The following MAGI2 variants were observed in gnomAD, a reference collection of about 807,000 sequenced individuals.
The protein encoded by MAGI2 is membrane-associated guanylate kinase, WW and PDZ domain-containing protein 2.
Under a neutral mutation model 133.3 loss-of-function variants are expected in MAGI2, and 35 were observed. The observed-to-expected ratio is 0.26, with a 90% CI of 0.20 to 0.35. The LOEUF (loss-of-function observed/expected upper bound fraction) is 0.35, where lower values mean the gene tolerates loss of function less well. Among genes scored for constraint, MAGI2 ranks in the 10% least tolerant of loss-of-function variants. The pLI is 1.00. For missense variants in MAGI2, 1,636 were observed against 1,863.4 expected (o/e 0.88, Z 2.25); for synonymous variants, 729 against 710.6 (o/e 1.03, Z -0.41).
At chr7:78,798,746 A>G (rs1370246155) in intron 2 of MAGI2, among the ~76,000 whole-genome samples, 1 of 152,086 alleles carries the variant, frequency 6.6e-6, no homozygotes, top group Non-Finnish European at 1.5e-5. Context: ...TCTGAGCTAT[A>G]CCCAGTAAAA....
intron 2 of MAGI2, among the ~76,000 whole-genome samples, chr7:78,860,736 ACT>A (rs1358683226): frequency 1.3e-5 from 2 of 151,914 alleles, no homozygotes; most frequent in East Asian, 3.9e-4. Flanking sequence ...CAGATCTCAC[ACT>A]CTGTGCTGGG....
rs116188806 is a variant in MAGI2, at chr7:78,029,936, C to T, written c.3707-9960G>A. ...CAGGGAAGGACAGACTTTACCTTTC[C>T]GTAATTTTTTCTAGGGCACTCAGTC... On this transcript the variant is annotated intron_variant, in intron 21 of 21. Transcript: ENST00000354212. Among the ~76,000 whole-genome samples, 474 of 152,286 alleles carry T rather than the reference C, an allele frequency of 3.1e-3. 4 individuals carry two copies. Among genetic ancestry groups the T allele is most frequent in the South Asian group, 0.022 (108 of 4,822 alleles).
At chr7:78,262,888 A>G (rs798326) in intron 9 of MAGI2, among the ~76,000 whole-genome samples, 145,221 of 152,178 alleles carry the variant, frequency 0.95, 69,369 homozygotes, top group East Asian at 1. Flanking sequence ...TATACTGCTC[A>G]AGGCTGAGGT....
At chr7:78,388,057 T>G (rs1021978432) in intron 6 of MAGI2, among the ~76,000 whole-genome samples, 1 of 152,138 alleles carries the variant, frequency 6.6e-6, no homozygotes, top group Admixed American at 6.5e-5. Context: ...AAAAATCAAA[T>G]TAGGTATTTA....
At chr7:78,031,086 A>G (rs1809523627) in intron 21 of MAGI2, among the ~76,000 whole-genome samples, 1 of 152,242 alleles carries the variant, frequency 6.6e-6, no homozygotes, top group African/African-American at 2.4e-5. Context: ...CAGCTGAGGT[A>G]TGCTTAGTGA....
intron 9 of MAGI2, among the ~76,000 whole-genome samples, chr7:78,280,414 CAT>C (rs1000340722): frequency 6.6e-6 from 1 of 152,076 alleles, no homozygotes; most frequent in Non-Finnish European, 1.5e-5. Context: ...CAGCTTACAA[CAT>C]ATTGTTTGTA....
intron 6 of MAGI2, among the ~76,000 whole-genome samples, chr7:78,416,410 A>C (rs1220884820): frequency 1.4e-4 from 4 of 27,986 alleles, no homozygotes; most frequent in African/African-American, 7.6e-4. Context: ...ATAAATATTG[A>C]AACTTAATTT....
chr7:78,128,699 C>A (rs962801320), intron 18 of MAGI2, among the ~76,000 whole-genome samples: 7 of 152,050 alleles, frequency 4.6e-5, no homozygotes, highest in Admixed American at 3.9e-4. Flanking sequence ...ACTGAAAGTG[C>A]ATGGCAATAG....
intron 2 of MAGI2, among the ~76,000 whole-genome samples, chr7:78,746,239 C>T (rs1460742220): frequency 1.3e-5 from 2 of 152,152 alleles, no homozygotes; most frequent in East Asian, 3.9e-4. Context: ...TTTTGAAGAG[C>T]CAGCTCTCAG....
chr7:79,007,993 G>A (rs1406996660), intron 1 of MAGI2, among the ~76,000 whole-genome samples: 1 of 151,720 alleles, frequency 6.6e-6, no homozygotes, highest in African/African-American at 2.4e-5. Context: ...AGCCAATAAT[G>A]TAGATCTATC....
intron 20 of MAGI2, among the ~76,000 whole-genome samples, chr7:78,113,428 C>T (rs887935773): frequency 6.6e-6 from 1 of 152,090 alleles, no homozygotes; most frequent in South Asian, 2.1e-4. Context: ...TGAGTACAGT[C>T]GTGCACCACA....
intron 16 of MAGI2, among the ~76,000 whole-genome samples, chr7:78,147,817 G>A (rs139009181): frequency 2.6e-5 from 4 of 151,856 alleles, no homozygotes; most frequent in Non-Finnish European, 5.9e-5. Context: ...GCAACATAGG[G>A]ATACCCCCAT....
At chr7:78,700,932 T>C (rs1462563132) in intron 2 of MAGI2, among the ~76,000 whole-genome samples, 1 of 149,222 alleles carries the variant, frequency 6.7e-6, no homozygotes, top group Non-Finnish European at 1.5e-5. Flanking sequence ...ATAAATTTAG[T>C]ATAGTAAGTG....
intron 2 of MAGI2, among the ~76,000 whole-genome samples, chr7:78,972,215 A>T (rs547106098): frequency 6.6e-6 from 1 of 152,054 alleles, no homozygotes; most frequent in African/African-American, 2.4e-5. Flanking sequence ...TGATTTAAAA[A>T]ATGCATGAAT....
chr7:78,747,042 A>G (rs1323503711), intron 2 of MAGI2, among the ~76,000 whole-genome samples: 1 of 152,196 alleles, frequency 6.6e-6, no homozygotes, highest in Non-Finnish European at 1.5e-5. Flanking sequence ...ATCAGAGGAA[A>G]TATACCAAGT....
At chr7:79,263,737 GCTTT>G (rs1834241433) in intron 1 of MAGI2, among the ~76,000 whole-genome samples, 1 of 151,922 alleles carries the variant, frequency 6.6e-6, no homozygotes, top group African/African-American at 2.4e-5. Flanking sequence ...AATATATGCT[GCTTT>G]CTTTTTCATT....
chr7:79,213,306 T>A (rs963050671), intron 1 of MAGI2, among the ~76,000 whole-genome samples: 4 of 149,146 alleles, frequency 2.7e-5, no homozygotes, highest in East Asian at 3.9e-4. Flanking sequence ...GTGTGTGTAT[T>A]TACACACACG....
intron 3 of MAGI2, among the ~76,000 whole-genome samples, chr7:78,570,473 G>C (rs932561057): frequency 8.5e-5 from 13 of 152,118 alleles, no homozygotes; most frequent in African/African-American, 2.9e-4. Context: ...AAATAAAATG[G>C]GGAAGCAGGA....
At chr7:79,444,539 A>G (rs1848713836) in intron 1 of MAGI2, among the ~76,000 whole-genome samples, 1 of 152,212 alleles carries the variant, frequency 6.6e-6, no homozygotes, top group Admixed American at 6.5e-5. Context: ...ACAGAGTCAA[A>G]TCATGAGTGA....
Sources: gnomAD v4.1 joint callset for allele counts (sites outside exome capture counted in the v4.1 genomes callset) on GRCh38, gnomAD v4.1.1 for gene constraint, MANE v1.5 for transcripts, NCBI Gene and HGNC (gene_info 2026-07-23, HGNC 2026-07-21) for gene names.